KCNK9: variants seen among roughly 807,000 people sequenced by gnomAD.
KCNK9 encodes the protein potassium channel subfamily K member 9.
Under a neutral mutation model 10.8 loss-of-function variants are expected in KCNK9, and 1 was observed. The ratio of observed to expected loss-of-function variants is 0.09; its 90% CI spans 0.03 to 0.44. KCNK9 has a LOEUF of 0.44. KCNK9 is among the 20% of genes least tolerant of loss of function. KCNK9 has a pLI of 0.97. For synonymous variants in KCNK9, 231 were observed against 222.7 expected (o/e 1.04, Z -0.33); for missense variants, 303 against 515.0 (o/e 0.59, Z 3.98).
At chr8:139,654,250 A>G (rs1442366087) in intron 1 of KCNK9, among the ~76,000 whole-genome samples, 1 of 152,220 alleles carries the variant, frequency 6.6e-6, no homozygotes, top group African/African-American at 2.4e-5. Context: ...TTACATGGAA[A>G]ACACAAGCTG....
chr8:139,666,552 G>A (rs149855540), intron 1 of KCNK9, among the ~76,000 whole-genome samples: 1 of 152,340 alleles, frequency 6.6e-6, no homozygotes, highest in Non-Finnish European at 1.5e-5. Context: ...AGGCCACTGA[G>A]CAGCATGGTC....
In KCNK9 at chr8:139,642,469, G is replaced by A. The variant is rs902566625; in HGVS notation, c.284-23370C>T. Reference sequence around the variant, plus strand: ...AATAAATGCATGCTTTACAAAAAATGTCAAGCCTTCCCACACATCCTGCTT... The same window carrying A: ...AATAAATGCATGCTTTACAAAAAATATCAAGCCTTCCCACACATCCTGCTT... On this transcript the variant is annotated intron_variant, in intron 1 of 1. Transcript: ENST00000520439. Among the ~76,000 whole-genome samples, 5 of 152,254 alleles carry A rather than the reference G, an allele frequency of 3.3e-5. No homozygotes were observed. The South Asian group carries it at 6.2e-4, about 19-fold the overall frequency.
intron 1 of KCNK9, among the ~76,000 whole-genome samples, chr8:139,678,977 TG>T (rs1375964110): frequency 4.6e-5 from 7 of 152,352 alleles, no homozygotes; most frequent in Non-Finnish European, 1.5e-5. Context: ...GAAAGAACAC[TG>T]GCTGAAAAGA....
rs1168290075 is a variant in KCNK9 at position 139,618,167 on chromosome 8, TAATA to T, written c.*87_*90del. The stretch of plus-strand genomic sequence containing the variant: ...AAAGTAATAATGATGACAATAATAA[TAATA>T]AATAAATAAGAAAAGACGAGTTGGA... On this transcript the variant is annotated 3_prime_UTR_variant, in exon 2 of 2. Coordinates refer to ENST00000520439, the MANE Select transcript of KCNK9 (RefSeq NM_001282534.2). This position sits in a 1 kb window ranked among gnomAD's most constrained non-coding sequence, Gnocchi z 7.9. 3.0e-5 allele frequency: 45 copies of T among 1,484,322 alleles called. No individual in the cohort carries two copies. Among genetic ancestry groups the T allele is most frequent in the Non-Finnish European group, 3.6e-5 (39 of 1,073,982 alleles). The allele number at this position is 1,484,322 out of a possible 1,614,324, so 91.9% of individuals were successfully genotyped here.
intron 1 of KCNK9, among the ~76,000 whole-genome samples, chr8:139,620,138 A>T: frequency 6.6e-6 from 1 of 152,226 alleles, no homozygotes; most frequent in Non-Finnish European, 1.5e-5. Context: ...CCAGGATGGG[A>T]TCTTCCCAAT....
At chr8:139,681,507 G>A (rs1211696084) in intron 1 of KCNK9, among the ~76,000 whole-genome samples, 1 of 152,206 alleles carries the variant, frequency 6.6e-6, no homozygotes, top group Non-Finnish European at 1.5e-5. Flanking sequence ...CGGTGGGTGA[G>A]GTCCACACAT....
At chr8:139,646,160 C>T (rs974351645) in intron 1 of KCNK9, among the ~76,000 whole-genome samples, 3 of 152,150 alleles carry the variant, frequency 2.0e-5, no homozygotes, top group Non-Finnish European at 4.4e-5. Flanking sequence ...ATGTCACCTC[C>T]CCAGGAAGCC....
At chr8:139,630,179 A>G (rs1056347152) in intron 1 of KCNK9, among the ~76,000 whole-genome samples, 1 of 152,154 alleles carries the variant, frequency 6.6e-6, no homozygotes, top group Middle Eastern at 3.2e-3. Flanking sequence ...ACACTGAACT[A>G]TACTCTTTGA....
At chr8:139,644,750 T>G (rs960044276) in intron 1 of KCNK9, among the ~76,000 whole-genome samples, 18 of 134,008 alleles carry the variant, frequency 1.3e-4, no homozygotes, top group Non-Finnish European at 2.7e-4. Context: ...GCCCTCTGGC[T>G]GCTACAATCC....
At chr8:139,698,117 C>T (rs1428225232) in intron 1 of KCNK9, among the ~76,000 whole-genome samples, 1 of 152,230 alleles carries the variant, frequency 6.6e-6, no homozygotes, top group Non-Finnish European at 1.5e-5. Flanking sequence ...AGGGAAAACA[C>T]CACAGTTGGA....
intron 1 of KCNK9, among the ~76,000 whole-genome samples, chr8:139,688,582 GGGATTACAACTT>G (rs145352940): frequency 0.42 from 64,521 of 151,876 alleles, 15,031 homozygotes; most frequent in Non-Finnish European, 0.52. Context: ...TCAACACGTG[GGGATTACAACTT>G]GAGATGAAAT....
At chr8:139,671,268 A>C (rs543460676) in intron 1 of KCNK9, among the ~76,000 whole-genome samples, 2 of 152,274 alleles carry the variant, frequency 1.3e-5, no homozygotes, top group African/African-American at 4.8e-5. Flanking sequence ...TTCCTGGCTC[A>C]GCCCCCATCA....
At chr8:139,683,871 C>T (rs191582392) in intron 1 of KCNK9, among the ~76,000 whole-genome samples, 189 of 152,364 alleles carry the variant, frequency 1.2e-3, no homozygotes, top group Non-Finnish European at 1.4e-3. Context: ...GGCCATGTGG[C>T]CCACCCTTGG....
intron 1 of KCNK9, among the ~76,000 whole-genome samples, chr8:139,621,714 C>T (rs1814787396): frequency 6.6e-6 from 1 of 152,122 alleles, no homozygotes; most frequent in South Asian, 2.1e-4. Context: ...CATATGGAAA[C>T]TTAAGTCTTC....
At chr8:139,698,170 C>T (rs1012553411) in intron 1 of KCNK9, among the ~76,000 whole-genome samples, 1 of 152,314 alleles carries the variant, frequency 6.6e-6, no homozygotes, top group African/African-American at 2.4e-5. Context: ...GAGTTCAAGG[C>T]CCTCTGCCTT....
At chr8:139,612,724 G>T (rs1413756568), downstream of KCNK9, 1 of 152,178 alleles carries the variant, frequency 6.6e-6, no homozygotes, top group Non-Finnish European at 1.5e-5. Flanking sequence ...CACAATGAAA[G>T]CAGTTACCAC....
At chr8:139,653,338 ATTTC>A (rs1203409495) in intron 1 of KCNK9, among the ~76,000 whole-genome samples, 1 of 152,162 alleles carries the variant, frequency 6.6e-6, no homozygotes, top group East Asian at 1.9e-4. Context: ...AGTACCTAAA[ATTTC>A]TTTGTGACAT....
chr8:139,610,739 G>C (rs1238300308), downstream of KCNK9, among the ~76,000 whole-genome samples: 1 of 152,236 alleles, frequency 6.6e-6, no homozygotes, highest in African/African-American at 2.4e-5. Context: ...AGGGTGGTTA[G>C]AGTGCAGGAC....
intron 2 of KCNK9, among the ~76,000 whole-genome samples, chr8:139,606,826 G>C (rs1476157249): frequency 6.6e-6 from 1 of 152,170 alleles, no homozygotes; most frequent in African/African-American, 2.4e-5. Flanking sequence ...AATCTCTCAA[G>C]TGGGGGTTAA....
Sources: gnomAD v4.1 joint callset for allele counts (sites outside exome capture counted in the v4.1 genomes callset) on GRCh38, gnomAD v4.1.1 for gene constraint, Gnocchi (gnomAD v3.1) non-coding constraint, MANE v1.5 for transcripts, NCBI Gene and HGNC (gene_info 2026-07-23, HGNC 2026-07-21) for gene names.